Variants in ANK1 observed in about 807,000 individuals in gnomAD.
ANK1 encodes ankyrin 1.
A neutral mutation model predicts 210.4 loss-of-function variants in ANK1; 51 were observed. The observed-to-expected ratio is 0.24, with a 90% CI of 0.19 to 0.31. The LOEUF (loss-of-function observed/expected upper bound fraction) is 0.31, where lower values mean the gene tolerates loss of function less well. Among genes scored for constraint, ANK1 ranks in the 10% least tolerant of loss-of-function variants. ANK1 has a pLI of 1.00. For missense variants in ANK1, 2,051 were observed against 2,504.4 expected, an observed-to-expected ratio of 0.82 and a Z score of 3.86; for synonymous variants, 967 against 1,025.9, an observed-to-expected ratio of 0.94 and a Z score of 1.10.
chr8:41,688,005 T>C, intron 35 of ANK1, 151 bp downstream of exon 35: 2 of 961,920 alleles, frequency 2.1e-6, no homozygotes, highest in Non-Finnish European at 3.3e-6. Flanking sequence ...ATGGTGTGGC[T>C]TGGGCAGCAG....
At chr8:41,663,201 G>T (rs1809163994) in intron 40 of ANK1, among the ~76,000 whole-genome samples, 1 of 151,724 alleles carries the variant, frequency 6.6e-6, no homozygotes, top group Non-Finnish European at 1.5e-5. Context: ...GCCCAGGCTG[G>T]TCTAAATGTC....
rs1804852592 is a variant in ANK1 at position 41,653,894 on chromosome 8, A to AC, written c.*1895dup. 1 of 151,810 alleles carries AC rather than the reference A, an allele frequency of 6.6e-6. No homozygotes were observed. The highest frequency in any genetic ancestry group is 1.5e-5 in the Non-Finnish European group (1 of 67,960). 9.4% of individuals were successfully genotyped at this position (151,810 alleles called of 1,614,324 possible). On this transcript the variant is annotated 3_prime_UTR_variant, in exon 43 of 43. Transcript: ENST00000289734. ...CTCTAAAGGAAGCAAAAGCAGCCCCACCCCCGGCCGACAAGGCGCCTAGGC... is the reference window on the plus strand; with the variant it reads ...CTCTAAAGGAAGCAAAAGCAGCCCCACCCCCCGGCCGACAAGGCGCCTAGGC...
At chr8:41,843,579 G>T (rs898535264) in intron 1 of ANK1, among the ~76,000 whole-genome samples, 4 of 152,166 alleles carry the variant, frequency 2.6e-5, no homozygotes, top group Non-Finnish European at 5.9e-5. Flanking sequence ...TTCCGCTGCT[G>T]GAGGCCTCCT....
In ANK1 at chr8:41,822,122, G is replaced by A. The variant is rs5891171; in HGVS notation, c.127-63985C>T. 6.3e-3 allele frequency among the ~76,000 whole-genome samples: 201 copies of A among 31,898 alleles called. 1 individual carries two copies. The highest frequency in any genetic ancestry group is 0.014 in the Admixed American group (40 of 2,860). The allele number at this position is 31,898 out of a possible 152,430, so 20.9% of individuals were successfully genotyped here. A position where few individuals can be genotyped will look rare whatever the true frequency, so the allele number is the denominator to read the frequency against. On this transcript the variant is annotated intron_variant, in intron 1 of 42. Coordinates refer to the ANK1 transcript ENST00000265709. The stretch of plus-strand genomic sequence containing the variant: ...AGAGAGAGAGAGAGAGAGAAAGAAA[G>A]AGAAAGAAAGAGAAAGAAAGAAAGA...
chr8:41,686,403 C>G, intron 35 of ANK1, 120 bp from the exon 36 acceptor site: 2 of 1,306,424 alleles, frequency 1.5e-6, no homozygotes, highest in Non-Finnish European at 2.2e-6. Flanking sequence ...GCACAGGGAG[C>G]TCTGAGGCAG....
intron 1 of ANK1, among the ~76,000 whole-genome samples, chr8:41,766,335 G>A (rs1841780931): frequency 6.6e-6 from 1 of 152,186 alleles, no homozygotes. Context: ...CTTGACGATG[G>A]AGAAACAGAG....
chr8:41,777,888 CTG>C (rs1352192552), intron 1 of ANK1, among the ~76,000 whole-genome samples: 2 of 152,142 alleles, frequency 1.3e-5, no homozygotes, highest in African/African-American at 4.8e-5. Flanking sequence ...TCTGGAATGA[CTG>C]AGTTTTAGCC....
chr8:41,784,566 C>A (rs1845974317), intron 1 of ANK1, among the ~76,000 whole-genome samples: 1 of 152,178 alleles, frequency 6.6e-6, no homozygotes, highest in South Asian at 2.1e-4. Flanking sequence ...AAGGAGAAAA[C>A]TAGAAACATT....
chr8:41,665,295 C>T (rs1810112729), intron 39 of ANK1: 2 of 1,452,636 alleles, frequency 1.4e-6, no homozygotes, highest in Middle Eastern at 1.8e-4. Context: ...ACATCACGCT[C>T]CTATAATTTT....
chr8:41,774,667 A>C (rs1207188689), intron 1 of ANK1, among the ~76,000 whole-genome samples: 1 of 152,236 alleles, frequency 6.6e-6, no homozygotes, highest in Non-Finnish European at 1.5e-5. Flanking sequence ...AATAGTTCAC[A>C]TCTTTCTGCT....
intron 1 of ANK1, among the ~76,000 whole-genome samples, chr8:41,789,924 A>G (rs1847280816): frequency 6.6e-6 from 1 of 152,194 alleles, no homozygotes; most frequent in Admixed American, 6.5e-5. Context: ...AAGGCAAGGG[A>G]TAAAACCCCG....
chr8:41,803,990 T>G (rs1850559919), intron 1 of ANK1, among the ~76,000 whole-genome samples: 1 of 152,262 alleles, frequency 6.6e-6, no homozygotes, highest in Non-Finnish European at 1.5e-5. Context: ...AATTTGCTAC[T>G]GCTGCATAAC....
intron 20 of ANK1, among the ~76,000 whole-genome samples, chr8:41,703,436 A>ATTTT (rs1563491440): frequency 2.9e-5 from 2 of 68,042 alleles, no homozygotes; most frequent in African/African-American, 1.1e-4. Context: ...ATATATATAT[A>ATTTT]TATATATATA....
chr8:41,775,064 T>C (rs1293304738), intron 1 of ANK1, among the ~76,000 whole-genome samples: 1 of 152,104 alleles, frequency 6.6e-6, no homozygotes, highest in Non-Finnish European at 1.5e-5. Flanking sequence ...GACTCTTCTT[T>C]TTTTTTTCAA....
intron 2 of ANK1, among the ~76,000 whole-genome samples, chr8:41,738,004 C>T (rs768620231): frequency 4.6e-5 from 7 of 152,092 alleles, no homozygotes; most frequent in Non-Finnish European, 8.8e-5. Flanking sequence ...GTAGGGAACA[C>T]GGATGCATAA....
intron 1 of ANK1, among the ~76,000 whole-genome samples, chr8:41,792,170 G>A (rs1439484377): frequency 6.6e-6 from 1 of 152,188 alleles, no homozygotes; most frequent in African/African-American, 2.4e-5. Flanking sequence ...AGGGGAGGGT[G>A]ACAGTCAAGG....
intron 42 of ANK1, among the ~76,000 whole-genome samples, chr8:41,657,977 G>C (rs1404941796): frequency 6.6e-6 from 1 of 152,192 alleles, no homozygotes; most frequent in Non-Finnish European, 1.5e-5. Context: ...GAACTCCTGG[G>C]CTCAAGCGAT....
chr8:41,835,375 C>T (rs12682517), intron 1 of ANK1, among the ~76,000 whole-genome samples: 3,527 of 152,248 alleles, frequency 0.023, 53 homozygotes, highest in African/African-American at 0.041. Flanking sequence ...TCGCTTGAAC[C>T]CGGGAGGTGG....
chr8:41,788,219 C>G (rs932807866), intron 1 of ANK1, among the ~76,000 whole-genome samples: 2 of 152,182 alleles, frequency 1.3e-5, no homozygotes, highest in East Asian at 3.8e-4. Flanking sequence ...TCTCTGATTG[C>G]GCCCTTACCA....
Sources: allele counts gnomAD v4.1 joint callset (sites outside exome capture counted in the v4.1 genomes callset), GRCh38; gene constraint gnomAD v4.1.1; transcripts MANE v1.5; gene names NCBI Gene and HGNC (gene_info 2026-07-23, HGNC 2026-07-21).